YIPF5: variants seen among roughly 807,000 people sequenced by gnomAD.
YIPF5 encodes protein YIPF5.
Under a neutral mutation model 30.4 loss-of-function variants are expected in YIPF5, and 8 were observed. That is an observed-to-expected ratio of 0.26 (90% CI 0.15 to 0.47). The LOEUF is 0.47. YIPF5 is among the 20% of genes least tolerant of loss of function. The pLI is 0.99. For synonymous variants in YIPF5, 104 were observed against 107.9 expected (o/e 0.96, Z 0.23); for missense variants, 282 against 301.8 (o/e 0.93, Z 0.49).
chr5:144,165,824 TTAA>T (rs1293712750), intron 2 of YIPF5, among the ~76,000 whole-genome samples: 1 of 152,206 alleles, frequency 6.6e-6, no homozygotes, highest in Non-Finnish European at 1.5e-5. Context: ...GAAAATATTC[TTAA>T]TGATACCAAT....
In YIPF5 at chr5:144,162,222, A is replaced by T; in HGVS notation, c.607T>A (p.Leu203Met). The T allele has an allele frequency of 6.2e-7, 1 of 1,613,664 alleles. No homozygotes were observed. Among genetic ancestry groups the T allele is most frequent in the Non-Finnish European group, 8.5e-7 (1 of 1,179,770 alleles). ...LLSSFAVIFSLQGMVGIILTA... is the reference protein window; with the variant it reads ...LLSSFAVIFSMQGMVGIILTA... Reference sequence around the variant, plus strand: ...AAAATAAAGAACAGTACTTACTGCAAAGAAAATATCACTGCAAAGCTGGAA... The same window carrying T: ...AAAATAAAGAACAGTACTTACTGCATAGAAAATATCACTGCAAAGCTGGAA... Residue 203 changes from leucine to methionine, a missense_variant, in exon 5 of 6, where the codon TTG (leucine) becomes ATG (methionine). Physicochemically the swap from Leu to Met is conservative, Grantham distance 15. Transcript: ENST00000274496.
chr5:144,170,294 G>C, intron 1 of YIPF5: 1 of 231,348 alleles, frequency 4.3e-6, no homozygotes. Context: ...CTTAGGACTG[G>C]GCTTTACAGC....
intron 2 of YIPF5, among the ~76,000 whole-genome samples, chr5:144,169,533 C>T (rs997886912): frequency 2.0e-5 from 3 of 152,202 alleles, no homozygotes; most frequent in African/African-American, 7.2e-5. Flanking sequence ...AGCCTATCTC[C>T]TAGGTACCTG....
intron 5 of YIPF5, 31 bp from the exon 6 acceptor site, chr5:144,160,590 GA>G: frequency 3.9e-6 from 6 of 1,550,572 alleles, no homozygotes; most frequent in Non-Finnish European, 4.4e-6. Flanking sequence ...GGGGGGAGAA[GA>G]AAAAAAAGCA....
intron 2 of YIPF5, among the ~76,000 whole-genome samples, chr5:144,166,447 G>A (rs1017233160): frequency 2.0e-5 from 3 of 152,062 alleles, no homozygotes; most frequent in African/African-American, 7.2e-5. Context: ...GATATACTAA[G>A]AAACACAGAT....
chr5:144,168,789 G>A lies in YIPF5; in HGVS notation c.110+1057C>T, dbSNP rs561613155. ...ACAGACACTATTACAGAGCCACAGT[G>A]AATTTGAATTTTGTTTTGTTTTTTA... On this transcript the variant is annotated intron_variant, in intron 2 of 5. Transcript: ENST00000274496. 1.2e-4 allele frequency among the ~76,000 whole-genome samples: 19 copies of A among 152,268 alleles called. No individual in the cohort carries two copies. In the East Asian group the frequency reaches 2.9e-3, roughly 23 times the overall value.
rs1281021201 is a variant in YIPF5, at chr5:144,158,863, A to T, written c.*1534T>A. 1.0e-6 allele frequency: 1 copy of T among 985,048 alleles called. No homozygotes were observed. The highest frequency in any genetic ancestry group is 1.7e-5 in the African/African-American group (1 of 57,154). The allele number at this position is 985,048 out of a possible 1,614,324, so 61.0% of individuals were successfully genotyped here. A position where few individuals can be genotyped will look rare whatever the true frequency, so the allele number is the denominator to read the frequency against. The stretch of plus-strand genomic sequence containing the variant: ...ATGCTTTGAAAACTTGTTCTAAAAA[A>T]GAACCATTGATACATCATTTTGACA... On this transcript the variant is annotated 3_prime_UTR_variant, in exon 6 of 6. Coordinates refer to ENST00000274496, the MANE Select transcript of YIPF5 (RefSeq NM_030799.9).
At chr5:144,160,728 C>A (rs1364766197) in intron 5 of YIPF5, among the ~76,000 whole-genome samples, 169 bp from the exon 6 acceptor site, 1 of 151,482 alleles carries the variant, frequency 6.6e-6, no homozygotes, top group Non-Finnish European at 1.5e-5. Context: ...CTAAAATGTA[C>A]CTCACAGTAA....
Position 144,169,834 on chromosome 5 carries a change from A to T in YIPF5, c.110+12T>A. 1 of 1,607,066 alleles carries T rather than the reference A, an allele frequency of 6.2e-7. No individual in the cohort carries two copies. Among genetic ancestry groups the T allele is most frequent in the Non-Finnish European group, 8.5e-7 (1 of 1,174,186 alleles). ...ATGTAGACTAAATTAATTGCCAAAG[A>T]TGAAAAGTTACTTGCTATAGGGTCC... On this transcript the variant is annotated intron_variant, in intron 2 of 5. Coordinates refer to ENST00000274496, the MANE Select transcript of YIPF5 (RefSeq NM_030799.9).
chr5:144,169,423 T>C (rs1752296945), intron 2 of YIPF5, among the ~76,000 whole-genome samples: 2 of 152,176 alleles, frequency 1.3e-5, no homozygotes. Context: ...TTAAATAATG[T>C]CACTAAGCAC....
chr5:144,158,246 T>C lies in YIPF5; in HGVS notation c.*2151A>G, dbSNP rs1257276127. On this transcript the variant is annotated 3_prime_UTR_variant, in exon 6 of 6. Coordinates refer to ENST00000274496, the MANE Select transcript of YIPF5 (RefSeq NM_030799.9). ...TTTGATAAGAGAAGTTTTGGCTATA[T>C]ACAACTCTGCATGTAATCAAACTCT... 4 of 377,770 alleles carry C rather than the reference T, an allele frequency of 1.1e-5. No individual in the cohort carries two copies. Among genetic ancestry groups the C allele is most frequent in the African/African-American group, 9.0e-5 (4 of 44,620 alleles). The allele number at this position is 377,770 out of a possible 1,614,324, so 23.4% of individuals were successfully genotyped here.
intron 2 of YIPF5, 109 bp downstream of exon 2, chr5:144,169,737 C>T (rs1752311563): frequency 2.3e-6 from 2 of 876,072 alleles, no homozygotes; most frequent in African/African-American, 3.4e-5. Flanking sequence ...AAAGATCATA[C>T]TCCTGATAAA....
Position 144,159,278 on chromosome 5 carries a change from T to A in YIPF5, c.*1119A>T, listed in dbSNP as rs116827726. 126 of 971,848 alleles carry A rather than the reference T, an allele frequency of 1.3e-4. No individual in the cohort carries two copies. The African/African-American group carries it at 2.2e-3, about 17-fold the overall frequency. The allele number at this position is 971,848 out of a possible 1,614,324, so 60.2% of individuals were successfully genotyped here. On this transcript the variant is annotated 3_prime_UTR_variant, in exon 6 of 6. Coordinates refer to ENST00000274496, the MANE Select transcript of YIPF5 (RefSeq NM_030799.9). ...ATTCAATAACACAGTTAAAATTAATTGGGAAAGTTTTAATAAGCATTCAAA... is the reference window on the plus strand; with the variant it reads ...ATTCAATAACACAGTTAAAATTAATAGGGAAAGTTTTAATAAGCATTCAAA...
At chr5:144,161,557 G>T (rs1752046944) in intron 5 of YIPF5, among the ~76,000 whole-genome samples, 1 of 151,922 alleles carries the variant, frequency 6.6e-6, no homozygotes. Flanking sequence ...TGCTGGTCAG[G>T]CTGGTCTCAA....
intron 4 of YIPF5, among the ~76,000 whole-genome samples, chr5:144,162,837 T>C (rs947150765): frequency 1.3e-5 from 2 of 152,162 alleles, no homozygotes; most frequent in Non-Finnish European, 2.9e-5. Flanking sequence ...TTGGTGGAGG[T>C]AGTCATAATC....
rs960405278 is a variant in YIPF5, at chr5:144,158,660, T to G, written c.*1737A>C. Reference sequence around the variant, plus strand: ...CTATCCAAGAATTACAATAAAAAATTTGGTTAAGTTGGAAAGCCTATCAAA... The same window carrying G: ...CTATCCAAGAATTACAATAAAAAATGTGGTTAAGTTGGAAAGCCTATCAAA... On this transcript the variant is annotated 3_prime_UTR_variant, in exon 6 of 6. Coordinates refer to ENST00000274496, the MANE Select transcript of YIPF5 (RefSeq NM_030799.9). 21 of 1,032,352 alleles carry G rather than the reference T, an allele frequency of 2.0e-5. No homozygotes were observed. Among genetic ancestry groups the G allele is most frequent in the Middle Eastern group, 4.7e-4 (1 of 2,144 alleles). 63.9% of individuals were successfully genotyped at this position (1,032,352 alleles called of 1,614,324 possible). A position where few individuals can be genotyped will look rare whatever the true frequency, so the allele number is the denominator to read the frequency against.
At chr5:144,164,056 A>C in intron 4 of YIPF5, 55 bp downstream of exon 4, 1 of 1,589,928 alleles carries the variant, frequency 6.3e-7, no homozygotes, top group Non-Finnish European at 8.5e-7. Context: ...TAGAACATTT[A>C]AAATTTAAAG....
At chr5:144,165,792 TA>T (rs954418737) in intron 2 of YIPF5, among the ~76,000 whole-genome samples, 188 bp from the exon 3 acceptor site, 4 of 152,084 alleles carry the variant, frequency 2.6e-5, no homozygotes, top group South Asian at 4.1e-4. Context: ...TTATCTACAA[TA>T]AAAAAATCAT....
Position 144,159,000 on chromosome 5 carries a change from T to C in YIPF5, c.*1397A>G. The C allele has an allele frequency of 4.1e-6, 4 of 984,778 alleles. No individual in the cohort carries two copies. Among genetic ancestry groups the C allele is most frequent in the Non-Finnish European group, 4.8e-6 (4 of 829,744 alleles). The allele number at this position is 984,778 out of a possible 1,614,324, so 61.0% of individuals were successfully genotyped here. ...GAGCTTTGTCCAGAATCAGAGACAG[T>C]TTTTCTAGAAAAAGCCAATGATCAG... On this transcript the variant is annotated 3_prime_UTR_variant, in exon 6 of 6. Coordinates refer to ENST00000274496, the MANE Select transcript of YIPF5 (RefSeq NM_030799.9).
Sources: allele counts gnomAD v4.1 joint callset (sites outside exome capture counted in the v4.1 genomes callset), GRCh38; gene constraint gnomAD v4.1.1; transcripts MANE v1.5; gene names NCBI Gene and HGNC (gene_info 2026-07-23, HGNC 2026-07-21).